The following KLHL32 variants were observed in gnomAD, a reference collection of about 807,000 sequenced individuals.
KLHL32 encodes the protein kelch like family member 32.
KLHL32 carries 35 observed loss-of-function variants against 64.8 expected under a neutral mutation model. That is an observed-to-expected ratio of 0.54 (90% CI 0.41 to 0.72). KLHL32 has a LOEUF of 0.72. KLHL32 is among the 30% of genes least tolerant of loss of function. The pLI is 0.00. For synonymous variants in KLHL32, 259 were observed against 281.0 expected (o/e 0.92, Z 0.78); for missense variants, 589 against 768.5 (o/e 0.77, Z 2.76).
At chr6:97,092,045 A>G (rs1794332524) in intron 6 of KLHL32, among the ~76,000 whole-genome samples, 1 of 149,734 alleles carries the variant, frequency 6.7e-6, no homozygotes, top group African/African-American at 2.5e-5. Flanking sequence ...GCTGGAGTGC[A>G]ATGGCACGAT....
At chr6:97,120,125 G>A (rs1008586504) in intron 7 of KLHL32, among the ~76,000 whole-genome samples, 3 of 152,114 alleles carry the variant, frequency 2.0e-5, no homozygotes, top group Non-Finnish European at 4.4e-5. Context: ...AGAGTCCTGA[G>A]GATACAATAT....
chr6:97,058,071 G>C (rs534150942), intron 4 of KLHL32, among the ~76,000 whole-genome samples: 1 of 152,164 alleles, frequency 6.6e-6, no homozygotes, highest in East Asian at 1.9e-4. Flanking sequence ...ATGTGAGTCT[G>C]TTTCTGAGCT....
At chr6:97,101,833 A>G (rs1379080555) in intron 6 of KLHL32, among the ~76,000 whole-genome samples, 1 of 152,222 alleles carries the variant, frequency 6.6e-6, no homozygotes, top group African/African-American at 2.4e-5. Flanking sequence ...CAACTATAGC[A>G]ATCTCTCAAA....
the KLHL32 span, among the ~76,000 whole-genome samples, chr6:96,908,206 T>TA: frequency 6.6e-6 from 1 of 152,204 alleles, no homozygotes; most frequent in South Asian, 2.1e-4. Flanking sequence ...ACAAGGGAAA[T>TA]AGGAGGAAAT....
intron 1 of KLHL32, among the ~76,000 whole-genome samples, chr6:96,944,449 T>G (rs1227445610): frequency 6.6e-6 from 1 of 152,236 alleles, no homozygotes; most frequent in South Asian, 2.1e-4. Context: ...CAAATTAGTT[T>G]TATTAGATTT....
intron 3 of KLHL32, among the ~76,000 whole-genome samples, chr6:97,015,865 C>G (rs867336593): frequency 3.9e-5 from 6 of 152,088 alleles, no homozygotes; most frequent in East Asian, 1.9e-4. Context: ...AGCCTTGGGA[C>G]TTGGTCCCCT....
At chr6:97,022,078 C>T (rs1455147994) in intron 3 of KLHL32, among the ~76,000 whole-genome samples, 1 of 150,884 alleles carries the variant, frequency 6.6e-6, no homozygotes, top group African/African-American at 2.5e-5. Context: ...GTCTGTTTTC[C>T]TTCTTCAATC....
At chr6:97,001,048 AG>A (rs1390836176) in intron 3 of KLHL32, among the ~76,000 whole-genome samples, 1 of 152,228 alleles carries the variant, frequency 6.6e-6, no homozygotes, top group African/African-American at 2.4e-5. Flanking sequence ...TAATAGATGG[AG>A]CACAGGGGAT....
At chr6:96,990,765 G>A (rs914319021) in intron 3 of KLHL32, among the ~76,000 whole-genome samples, 7 of 152,088 alleles carry the variant, frequency 4.6e-5, no homozygotes, top group African/African-American at 7.2e-5. Context: ...GGGTGGGGGC[G>A]GGGCTTGCTT....
intron 10 of KLHL32, among the ~76,000 whole-genome samples, chr6:97,137,605 GCTCA>G (rs1378038817): frequency 1.3e-5 from 2 of 152,070 alleles, no homozygotes; most frequent in Non-Finnish European, 2.9e-5. Context: ...CGCGATCTTG[GCTCA>G]CTGCAAGCTC....
At chr6:96,950,511 A>T (rs1772447567) in intron 1 of KLHL32, among the ~76,000 whole-genome samples, 1 of 151,906 alleles carries the variant, frequency 6.6e-6, no homozygotes, top group African/African-American at 2.4e-5. Context: ...AAAAAAAAAA[A>T]ACCCAGACAC....
chr6:97,020,520 A>T (rs1481546754), intron 3 of KLHL32, among the ~76,000 whole-genome samples: 1 of 150,766 alleles, frequency 6.6e-6, no homozygotes, highest in African/African-American at 2.5e-5. Context: ...TTTTCCTACT[A>T]GTACTATCAA....
intron 6 of KLHL32, among the ~76,000 whole-genome samples, chr6:97,087,905 C>G (rs974874384): frequency 1.3e-5 from 2 of 152,170 alleles, no homozygotes; most frequent in Admixed American, 1.3e-4. Context: ...CTTTCCTTGA[C>G]AAAATGTGTT....
At chr6:96,937,764 T>C (rs34815026) in intron 1 of KLHL32, among the ~76,000 whole-genome samples, 59,916 of 151,996 alleles carry the variant, frequency 0.39, 12,227 homozygotes, top group South Asian at 0.5. Flanking sequence ...TCAGCTTCCT[T>C]ACAGCTTCTC....
intron 2 of KLHL32, among the ~76,000 whole-genome samples, chr6:96,972,824 CAT>C (rs768550966): frequency 6.6e-6 from 1 of 152,134 alleles, no homozygotes; most frequent in Non-Finnish European, 1.5e-5. Context: ...TTAATTTAGA[CAT>C]AGTGCATTAC....
intron 5 of KLHL32, among the ~76,000 whole-genome samples, chr6:97,078,836 A>G (rs1327345270): frequency 6.6e-6 from 1 of 152,218 alleles, no homozygotes; most frequent in African/African-American, 2.4e-5. Context: ...TCATATAATT[A>G]TGCATAATGT....
chr6:96,944,320 AT>A (rs1274512911), intron 1 of KLHL32, among the ~76,000 whole-genome samples: 2 of 152,352 alleles, frequency 1.3e-5, no homozygotes, highest in East Asian at 3.9e-4. Flanking sequence ...TTATTCAGAT[AT>A]TCTGGCTTAA....
intron 1 of KLHL32, among the ~76,000 whole-genome samples, chr6:96,932,565 C>T (rs1313944152): frequency 5.7e-5 from 2 of 34,828 alleles, no homozygotes; most frequent in Admixed American, 2.8e-4. Flanking sequence ...TTGTCAATTT[C>T]CCCCCCCCCC....
intron 6 of KLHL32, among the ~76,000 whole-genome samples, chr6:97,093,970 T>C (rs1794619480): frequency 6.6e-6 from 1 of 152,158 alleles, no homozygotes; most frequent in Admixed American, 6.5e-5. Context: ...AGACCAGAGA[T>C]TGGATGGAAC....
Sources: gnomAD v4.1 joint callset for allele counts (sites outside exome capture counted in the v4.1 genomes callset) on GRCh38, gnomAD v4.1.1 for gene constraint, MANE v1.5 for transcripts, NCBI Gene and HGNC (gene_info 2026-07-23, HGNC 2026-07-21) for gene names.